The following NTRK3 variants were observed in gnomAD, a reference collection of about 807,000 sequenced individuals.
The protein encoded by NTRK3 is neurotrophic receptor tyrosine kinase 3.
A neutral mutation model predicts 91.7 loss-of-function variants in NTRK3; 24 were observed. The ratio of observed to expected loss-of-function variants is 0.26; its 90% CI spans 0.19 to 0.37. The LOEUF (loss-of-function observed/expected upper bound fraction) is 0.37, where lower values mean the gene tolerates loss of function less well. Ranked by LOEUF, NTRK3 falls within the 10% of genes least tolerant of loss-of-function variation. NTRK3 has a pLI of 1.00. For missense variants in NTRK3, 880 were observed against 1,068.9 expected, an observed-to-expected ratio of 0.82 and a Z score of 2.46; for synonymous variants, 483 against 404.0, an observed-to-expected ratio of 1.20 and a Z score of -2.34.
chr15:87,861,196 T>C lies in NTRK3; in HGVS notation c.*15739A>G, dbSNP rs1400935689. The C allele has an allele frequency of 4.1e-5, 9 of 220,810 alleles. No homozygotes were observed. The East Asian group carries it at 4.6e-4, about 11-fold the overall frequency. 13.7% of individuals were successfully genotyped at this position (220,810 alleles called of 1,614,324 possible). A position where few individuals can be genotyped will look rare whatever the true frequency, so the allele number is the denominator to read the frequency against. On this transcript the variant is annotated 3_prime_UTR_variant, in exon 19 of 19. Transcript: ENST00000394480. Reference sequence around the variant, plus strand: ...TGAACACATGGGATCAGACAAGATATAATAGCTTTACATATACTTAGTACA... The same window carrying C: ...TGAACACATGGGATCAGACAAGATACAATAGCTTTACATATACTTAGTACA...
intron 14 of NTRK3, among the ~76,000 whole-genome samples, chr15:88,016,555 C>T (rs910657259): frequency 1.3e-5 from 2 of 152,234 alleles, no homozygotes; most frequent in Non-Finnish European, 2.9e-5. Flanking sequence ...AGGCTCTTCT[C>T]CAGCTGGGCA....
chr15:88,036,637 G>A (rs1330190781), intron 13 of NTRK3, among the ~76,000 whole-genome samples: 1 of 152,192 alleles, frequency 6.6e-6, no homozygotes, highest in African/African-American at 2.4e-5. Context: ...TCTGGAGCGA[G>A]AGATTACAGA....
chr15:87,905,616 A>G (rs2066719884), intron 17 of NTRK3, among the ~76,000 whole-genome samples: 1 of 152,182 alleles, frequency 6.6e-6, no homozygotes, highest in Non-Finnish European at 1.5e-5. Context: ...TGTGGATTCC[A>G]TTCACAAAAG....
chr15:87,876,449 C>A (rs77623785), exon 19 of NTRK3: 8 of 228,186 alleles, frequency 3.5e-5, no homozygotes, highest in Admixed American at 2.3e-4. Context: ...CACACAGCAG[C>A]GACTGAGCAC....
Position 88,072,141 on chromosome 15 carries a change from G to A in NTRK3, c.1397-39096C>T, listed in dbSNP as rs538221556. ...CTGCCTCAGCCTCCTGAGTAGCTGGGATTACAGGCACCGCCACCATGCCTG... is the reference window on the plus strand; with the variant it reads ...CTGCCTCAGCCTCCTGAGTAGCTGGAATTACAGGCACCGCCACCATGCCTG... On this transcript the variant is annotated intron_variant, in intron 13 of 18. Transcript: ENST00000394480. 1.8e-4 allele frequency among the ~76,000 whole-genome samples: 27 copies of A among 151,842 alleles called. No homozygotes were observed. The South Asian group carries it at 5.0e-3, about 28-fold the overall frequency.
chr15:88,082,431 C>G (rs2048137174), intron 13 of NTRK3, among the ~76,000 whole-genome samples: 3 of 152,142 alleles, frequency 2.0e-5, no homozygotes, highest in Admixed American at 2.0e-4. Flanking sequence ...GAAGTTTTTG[C>G]ATGTGTGTAC....
intron 17 of NTRK3, among the ~76,000 whole-genome samples, chr15:87,883,096 C>CATATATGTGCATATACATGTATAT: frequency 7.3e-6 from 1 of 136,090 alleles, no homozygotes; most frequent in African/African-American, 2.5e-5. Flanking sequence ...TACATATATG[C>CATATATGTGCATATACATGTATAT]ATATATGTGC....
At chr15:87,926,408 T>C (rs1158075870) in intron 17 of NTRK3, among the ~76,000 whole-genome samples, 10 of 152,180 alleles carry the variant, frequency 6.6e-5, no homozygotes, top group Non-Finnish European at 2.9e-5. Context: ...TATCCTTTTT[T>C]GTTCAAACTT....
At chr15:87,969,546 G>A (rs1385365431) in intron 14 of NTRK3, among the ~76,000 whole-genome samples, 1 of 152,196 alleles carries the variant, frequency 6.6e-6, no homozygotes, top group East Asian at 1.9e-4. Flanking sequence ...AAACTATCAT[G>A]TGAAGCCAGG....
intron 13 of NTRK3, among the ~76,000 whole-genome samples, chr15:88,060,513 GC>G (rs907348960): frequency 6.6e-6 from 1 of 152,102 alleles, no homozygotes; most frequent in Non-Finnish European, 1.5e-5. Context: ...CAGTGAGGGG[GC>G]TAGCGTGACT....
chr15:88,208,222 C>T (rs1335743503), intron 3 of NTRK3, among the ~76,000 whole-genome samples: 1 of 152,066 alleles, frequency 6.6e-6, no homozygotes, highest in Non-Finnish European at 1.5e-5. Context: ...TTCCATCTCT[C>T]AAAGTCCATT....
chr15:88,206,341 C>T (rs992942940), intron 3 of NTRK3, among the ~76,000 whole-genome samples: 1 of 119,652 alleles, frequency 8.4e-6, no homozygotes, highest in African/African-American at 3.4e-5. Flanking sequence ...GAGACTCCAT[C>T]TCAAAAAAAA....
At chr15:88,147,438 C>A (rs1451348028) in intron 5 of NTRK3, 35 bp from the exon 6 acceptor site, 3 of 1,574,560 alleles carry the variant, frequency 1.9e-6, no homozygotes, top group Non-Finnish European at 2.6e-6. Context: ...AATTTTAAAA[C>A]AAGTCTGGCA....
At chr15:88,161,665 C>T (rs374762689) in intron 5 of NTRK3, among the ~76,000 whole-genome samples, 4 of 152,114 alleles carry the variant, frequency 2.6e-5, no homozygotes, top group Non-Finnish European at 4.4e-5. Flanking sequence ...GGAGAGAGGT[C>T]AACCAGAAAT....
chr15:88,170,795 G>A (rs908549132), intron 5 of NTRK3, among the ~76,000 whole-genome samples: 2 of 152,012 alleles, frequency 1.3e-5, no homozygotes, highest in African/African-American at 4.8e-5. Context: ...GTTCTAAAAT[G>A]AACTGAACGA....
rs576526243 is a variant in NTRK3, at chr15:88,112,128, G to C, written c.1396+14143C>G. Among the ~76,000 whole-genome samples the C allele has an allele frequency of 7.0e-4, 107 of 152,184 alleles. 1 individual carries two copies. Among genetic ancestry groups the C allele is most frequent in the Non-Finnish European group, 1.4e-3 (92 of 67,998 alleles). On this transcript the variant is annotated intron_variant, in intron 13 of 18. Coordinates refer to ENST00000394480, the Ensembl canonical transcript of NTRK3. ...TCACAATGTTAGCCAGGATGGTCTTGATCTCCTGACCTCGTGATCCGCCCG... is the reference window on the plus strand; with the variant it reads ...TCACAATGTTAGCCAGGATGGTCTTCATCTCCTGACCTCGTGATCCGCCCG...
At chr15:87,922,014 G>T (rs2067914352) in intron 17 of NTRK3, among the ~76,000 whole-genome samples, 1 of 152,160 alleles carries the variant, frequency 6.6e-6, no homozygotes, top group East Asian at 1.9e-4. Flanking sequence ...CATCATCTGG[G>T]CAGAGAAGAG....
At chr15:88,152,329 C>A (rs2043460279) in intron 5 of NTRK3, among the ~76,000 whole-genome samples, 1 of 152,108 alleles carries the variant, frequency 6.6e-6, no homozygotes, top group African/African-American at 2.4e-5. Context: ...AACAAACAAA[C>A]AAAATCCTAA....
At chr15:88,052,024 G>C (rs1483733776) in intron 13 of NTRK3, among the ~76,000 whole-genome samples, 8 of 152,150 alleles carry the variant, frequency 5.3e-5, no homozygotes, top group Admixed American at 5.2e-4. Flanking sequence ...GGTTACCATG[G>C]ACTTTAGCCT....
Sources: allele counts gnomAD v4.1 joint callset (sites outside exome capture counted in the v4.1 genomes callset), GRCh38; gene constraint gnomAD v4.1.1; transcripts MANE v1.5; gene names NCBI Gene and HGNC (gene_info 2026-07-23, HGNC 2026-07-21).